ARL6IP6: variants seen among roughly 807,000 people sequenced by gnomAD.
ARL6IP6 encodes ADP-ribosylation factor-like protein 6-interacting protein 6.
A neutral mutation model predicts 21.5 loss-of-function variants in ARL6IP6; 22 were observed. The ratio of observed to expected loss-of-function variants is 1.02; its 90% CI spans 0.73 to 1.46. The LOEUF (loss-of-function observed/expected upper bound fraction) is 1.46. Ranked by LOEUF, ARL6IP6 falls within the 40% of genes most tolerant of loss-of-function variation. The pLI, the probability that ARL6IP6 is intolerant of heterozygous loss-of-function variation, is 0.00. For synonymous variants in ARL6IP6, 164 were observed against 125.3 expected (o/e 1.31, Z -2.06); for missense variants, 388 against 299.8 (o/e 1.29, Z -2.17).
Position 152,718,861 on chromosome 2 carries a change from G to T in ARL6IP6, c.237G>T (p.Gly79=). ...KRSVLPPDGN[G]SPVLPDKRNG... ...CGGTGCTCCCGCCGGACGGGAACGG[G>T]TCGCCCGTTCTGCCCGATAAGCGCA... The change falls in exon 1 of 4, where the codon GGG becomes GGT. Residue 79 remains glycine (G), a synonymous_variant. Transcript: ENST00000326446. 6.2e-7 allele frequency: 1 copy of T among 1,613,418 alleles called. No homozygotes were observed. Among genetic ancestry groups the T allele is most frequent in the Non-Finnish European group, 8.5e-7 (1 of 1,179,684 alleles).
chr2:152,729,660 AT>A lies in ARL6IP6; in HGVS notation c.455-5329del, dbSNP rs1312981651. Among the ~76,000 whole-genome samples the A allele has an allele frequency of 5.3e-5, 8 of 152,138 alleles. 1 individual carries two copies. In the South Asian group the frequency reaches 1.5e-3, roughly 28 times the overall value. Reference sequence around the variant, plus strand: ...TGTGAAAAAAGCAAAATGCAGAACCATTTTTCTGGTGAGAATCTCACTTGTG... The same window carrying A: ...TGTGAAAAAAGCAAAATGCAGAACCATTTTCTGGTGAGAATCTCACTTGTG... On this transcript the variant is annotated intron_variant, in intron 2 of 3. Transcript: ENST00000326446.
intron 2 of ARL6IP6, among the ~76,000 whole-genome samples, chr2:152,730,054 A>G (rs1257221995): frequency 6.6e-6 from 1 of 152,180 alleles, no homozygotes; most frequent in Non-Finnish European, 1.5e-5. Flanking sequence ...CTTCTAGACC[A>G]CAATATTGCA....
chr2:152,735,327 C>CT lies in ARL6IP6; in HGVS notation c.587+209dup, dbSNP rs201538352. ...TTTAAAATTCTATATCTAGATAATG[C>CT]TTTTTTTTCTAAAAACTGAAATTCA... On this transcript the variant is annotated intron_variant, in intron 3 of 3. Coordinates refer to ENST00000326446, the MANE Select transcript of ARL6IP6 (RefSeq NM_152522.7). Among the ~76,000 whole-genome samples, 2 of 151,870 alleles carry CT rather than the reference C, an allele frequency of 1.3e-5. 1 individual carries two copies. The highest frequency in any genetic ancestry group is 4.1e-4 in the South Asian group (2 of 4,820).
chr2:152,753,258 A>G (rs971550164), intron 3 of ARL6IP6, among the ~76,000 whole-genome samples: 3 of 152,240 alleles, frequency 2.0e-5, no homozygotes, highest in African/African-American at 7.2e-5. Flanking sequence ...CTAAATAAAA[A>G]ACTGATTCTT....
chr2:152,745,222 A>G (rs1700989774), intron 3 of ARL6IP6, among the ~76,000 whole-genome samples: 1 of 152,142 alleles, frequency 6.6e-6, no homozygotes, highest in Non-Finnish European at 1.5e-5. Context: ...ACGTCTTCAC[A>G]TTGAGGGTTA....
chr2:152,731,195 A>G (rs1315884246), intron 2 of ARL6IP6, among the ~76,000 whole-genome samples: 1 of 152,212 alleles, frequency 6.6e-6, no homozygotes, highest in Admixed American at 6.5e-5. Flanking sequence ...GCTTTGCCAC[A>G]TCCCTCTTCT....
At chr2:152,758,630 A>G (rs1188448844) in intron 3 of ARL6IP6, among the ~76,000 whole-genome samples, 1 of 152,176 alleles carries the variant, frequency 6.6e-6, no homozygotes, top group African/African-American at 2.4e-5. Context: ...TCGAAAGTAA[A>G]TAATAACTCC....
intron 3 of ARL6IP6, among the ~76,000 whole-genome samples, chr2:152,758,139 A>G (rs758075701): frequency 6.6e-6 from 1 of 152,120 alleles, no homozygotes; most frequent in African/African-American, 2.4e-5. Context: ...ATGGCTTAGT[A>G]TTTGCATATA....
intron 2 of ARL6IP6, among the ~76,000 whole-genome samples, chr2:152,726,049 GAATT>G (rs1005840270): frequency 1.3e-5 from 2 of 152,102 alleles, no homozygotes; most frequent in African/African-American, 2.4e-5. Context: ...GATTGCCCAT[GAATT>G]AATTGTTTAA....
chr2:152,744,516 A>G (rs1427838863), intron 3 of ARL6IP6, among the ~76,000 whole-genome samples: 2 of 152,136 alleles, frequency 1.3e-5, no homozygotes, highest in Admixed American at 6.5e-5. Context: ...TTAGTGTTAT[A>G]TCATGATTTC....
At chr2:152,722,700 C>T (rs772813659) in intron 2 of ARL6IP6, among the ~76,000 whole-genome samples, 4 of 152,040 alleles carry the variant, frequency 2.6e-5, no homozygotes, top group Non-Finnish European at 4.4e-5. Context: ...GTCAGGAGTT[C>T]GAGACCAGCC....
chr2:152,738,862 A>T (rs1319186887), intron 3 of ARL6IP6, among the ~76,000 whole-genome samples: 1 of 148,878 alleles, frequency 6.7e-6, no homozygotes, highest in East Asian at 1.9e-4. Context: ...TGCCTCAGAA[A>T]ATTGTTTTTT....
At chr2:152,757,443 A>G (rs1701642405) in intron 3 of ARL6IP6, among the ~76,000 whole-genome samples, 1 of 152,316 alleles carries the variant, frequency 6.6e-6, no homozygotes, top group Non-Finnish European at 1.5e-5. Context: ...ATTGTATTTA[A>G]TTATCATTTA....
chr2:152,747,129 C>T (rs1168185602), intron 3 of ARL6IP6, among the ~76,000 whole-genome samples: 2 of 152,046 alleles, frequency 1.3e-5, no homozygotes, highest in Non-Finnish European at 2.9e-5. Context: ...CACGCCCAGC[C>T]AACAACTAAT....
At chr2:152,734,837 A>C (rs1163392889) in intron 2 of ARL6IP6, among the ~76,000 whole-genome samples, 157 bp from the exon 3 acceptor site, 1 of 152,250 alleles carries the variant, frequency 6.6e-6, no homozygotes, top group Non-Finnish European at 1.5e-5. Context: ...TTATTTCTAC[A>C]TAAGTTAGCT....
chr2:152,719,123 C>G (rs1699541729), intron 1 of ARL6IP6, 99 bp downstream of exon 1: 1 of 1,337,016 alleles, frequency 7.5e-7, no homozygotes, highest in African/African-American at 1.5e-5. Flanking sequence ...GCTAAGCCCT[C>G]AGGCTGGCAG....
At chr2:152,727,405 GT>G (rs1306610309) in intron 2 of ARL6IP6, among the ~76,000 whole-genome samples, 4 of 152,134 alleles carry the variant, frequency 2.6e-5, no homozygotes, top group African/African-American at 9.7e-5. Flanking sequence ...GTAAGCTAAG[GT>G]TAATTTATTA....
At chr2:152,717,992 C>G (rs1559212793), upstream of ARL6IP6, 6 of 997,426 alleles carry the variant, frequency 6.0e-6, no homozygotes, top group Non-Finnish European at 7.2e-6. Flanking sequence ...TCCGTACGCA[C>G]CAGGTGGAGA....
At chr2:152,718,493 T>A (rs1168371657), upstream of ARL6IP6, 1 of 1,327,080 alleles carries the variant, frequency 7.5e-7, no homozygotes. Flanking sequence ...CGCCCACCCT[T>A]GCTCTCCGTG....
Sources: gnomAD v4.1 joint callset for allele counts (sites outside exome capture counted in the v4.1 genomes callset) on GRCh38, gnomAD v4.1.1 for gene constraint, MANE v1.5 for transcripts, NCBI Gene and HGNC (gene_info 2026-07-23, HGNC 2026-07-21) for gene names.